Variants in MYO3B observed in about 807,000 individuals in gnomAD.
The protein encoded by MYO3B is myosin IIIB.
MYO3B carries 156 observed loss-of-function variants against 174.6 expected under a neutral mutation model. The observed-to-expected ratio is 0.89, with a 90% CI of 0.78 to 1.02. The LOEUF (loss-of-function observed/expected upper bound fraction) is 1.02, where lower values mean the gene tolerates loss of function less well. Among genes scored for constraint, MYO3B ranks in the 50% least tolerant of loss-of-function variants. MYO3B has a pLI of 0.00. For synonymous variants in MYO3B, 563 were observed against 569.1 expected, an observed-to-expected ratio of 0.99 and a Z score of 0.15; for missense variants, 1,632 against 1,639.4, an observed-to-expected ratio of 1.00 and a Z score of 0.08.
intron 7 of MYO3B, among the ~76,000 whole-genome samples, chr2:170,290,296 T>C (rs1305058591): frequency 6.6e-6 from 1 of 152,164 alleles, no homozygotes; most frequent in East Asian, 1.9e-4. Context: ...CCTACCATTA[T>C]TGTACTGCAA....
intron 8 of MYO3B, among the ~76,000 whole-genome samples, chr2:170,353,712 A>T (rs2094096819): frequency 6.6e-6 from 1 of 152,172 alleles, no homozygotes; most frequent in African/African-American, 2.4e-5. Flanking sequence ...TGTGAACTTA[A>T]AACTGTTGTA....
intron 30 of MYO3B, among the ~76,000 whole-genome samples, chr2:170,537,020 T>C (rs1222496389): frequency 6.6e-6 from 1 of 151,798 alleles, no homozygotes; most frequent in Non-Finnish European, 1.5e-5. Context: ...GCCAACATAG[T>C]GAAACCCCAT....
intron 7 of MYO3B, among the ~76,000 whole-genome samples, chr2:170,273,502 A>C (rs1203227554): frequency 6.6e-6 from 1 of 152,138 alleles, no homozygotes; most frequent in Non-Finnish European, 1.5e-5. Context: ...AGTCTGCCTA[A>C]AGAATCCTGC....
Position 170,387,209 on chromosome 2 carries a change from G to A in MYO3B, c.1478G>A (p.Gly493Glu). ...ATCAATGACAACTCGAGCCGTTTTG[G>A]AAAATATCTGGAAATGATGTTTACA... ...TAINDNSSRF[G>E]KYLEMMFTPT... The change falls in exon 14 of 35, where the codon GGA becomes GAA. Residue 493 changes from glycine (G) to glutamate (E), a missense_variant. Gly to Glu is a moderately conservative substitution (Grantham distance 98, BLOSUM62 -2). Transcript: ENST00000408978. 3 of 1,614,162 alleles carry A rather than the reference G, an allele frequency of 1.9e-6. No individual in the cohort carries two copies. The highest frequency in any genetic ancestry group is 2.5e-6 in the Non-Finnish European group (3 of 1,180,004).
intron 32 of MYO3B, among the ~76,000 whole-genome samples, chr2:170,615,638 C>T (rs1695412253): frequency 6.6e-6 from 1 of 152,214 alleles, no homozygotes; most frequent in Admixed American, 6.5e-5. Flanking sequence ...TTCTGTGGGT[C>T]AGGAATCTGG....
Position 170,326,643 on chromosome 2 carries a change from G to A in MYO3B, c.750-8742G>A, listed in dbSNP as rs150975155. ...CTTGACTTTCTCCTGCACTCTTCAT[G>A]CATGGCTGAATTGCTTATGCGTCCT... On this transcript the variant is annotated intron_variant, in intron 7 of 34. Transcript: ENST00000408978. Among the ~76,000 whole-genome samples the A allele has an allele frequency of 1.5e-3, 224 of 152,306 alleles. 1 individual carries two copies. The highest frequency in any genetic ancestry group is 5.1e-3 in the African/African-American group (212 of 41,572).
chr2:170,436,572 C>G (rs1341408141), intron 22 of MYO3B, among the ~76,000 whole-genome samples: 1 of 152,216 alleles, frequency 6.6e-6, no homozygotes, highest in Non-Finnish European at 1.5e-5. Context: ...TTGTGCTAGA[C>G]TTGCTGAAAC....
intron 32 of MYO3B, among the ~76,000 whole-genome samples, chr2:170,596,705 C>G (rs35773866): frequency 5.1e-4 from 78 of 152,354 alleles, no homozygotes; most frequent in Non-Finnish European, 9.0e-4. Flanking sequence ...CGCTGCCCCC[C>G]CAGGGCCTAG....
At chr2:170,459,897 C>A (rs371766311) in intron 23 of MYO3B, among the ~76,000 whole-genome samples, 1 of 152,104 alleles carries the variant, frequency 6.6e-6, no homozygotes, top group African/African-American at 2.4e-5. Flanking sequence ...CCGTGGCCAG[C>A]GGCACTGGCC....
chr2:170,196,250 T>C (rs1472381040), intron 1 of MYO3B, among the ~76,000 whole-genome samples: 1 of 152,220 alleles, frequency 6.6e-6, no homozygotes. Context: ...CTCATGTCTG[T>C]AATCCTAGCA....
chr2:170,220,106 A>T (rs6750448), intron 6 of MYO3B, among the ~76,000 whole-genome samples: 1 of 151,408 alleles, frequency 6.6e-6, no homozygotes, highest in Non-Finnish European at 1.5e-5. Flanking sequence ...AAAATACAAA[A>T]AATTAGCTGG....
chr2:170,459,617 C>T (rs922860938), intron 23 of MYO3B, among the ~76,000 whole-genome samples: 3 of 152,174 alleles, frequency 2.0e-5, no homozygotes, highest in African/African-American at 7.2e-5. Flanking sequence ...CCAGTCCCGG[C>T]GCCACACTCC....
At chr2:170,241,790 G>A (rs2093137315) in intron 7 of MYO3B, among the ~76,000 whole-genome samples, 1 of 152,016 alleles carries the variant, frequency 6.6e-6, no homozygotes, top group Admixed American at 6.6e-5. Context: ...TCCTGAAATA[G>A]GATCCTTGGG....
chr2:170,527,639 A>G (rs1055989085), intron 30 of MYO3B, among the ~76,000 whole-genome samples: 3 of 152,204 alleles, frequency 2.0e-5, no homozygotes, highest in Admixed American at 6.5e-5. Context: ...AGAGGAAACG[A>G]TTCAGCTACA....
chr2:170,240,034 C>T (rs113146011), intron 7 of MYO3B, among the ~76,000 whole-genome samples: 8 of 152,258 alleles, frequency 5.3e-5, no homozygotes, highest in African/African-American at 1.7e-4. Flanking sequence ...TTCACATGGC[C>T]GCCTTTCCCA....
intron 32 of MYO3B, among the ~76,000 whole-genome samples, chr2:170,568,222 G>T (rs538615063): frequency 6.6e-6 from 1 of 152,354 alleles, no homozygotes; most frequent in African/African-American, 2.4e-5. Context: ...GGTATGTAAA[G>T]TTATCTTATG....
intron 30 of MYO3B, among the ~76,000 whole-genome samples, chr2:170,536,086 G>C (rs1689665740): frequency 6.6e-6 from 1 of 152,222 alleles, no homozygotes; most frequent in Non-Finnish European, 1.5e-5. Flanking sequence ...GCTGCCTGCA[G>C]TAAAGTAGTG....
At chr2:170,560,942 G>A (rs1575166514) in intron 32 of MYO3B, among the ~76,000 whole-genome samples, 1 of 152,164 alleles carries the variant, frequency 6.6e-6, no homozygotes, top group Non-Finnish European at 1.5e-5. Flanking sequence ...ATTACAAAGT[G>A]TTCATTCCTT....
intron 7 of MYO3B, among the ~76,000 whole-genome samples, chr2:170,307,733 C>A (rs1385880589): frequency 2.6e-5 from 4 of 152,206 alleles, no homozygotes; most frequent in African/African-American, 4.8e-5. Flanking sequence ...AGAGCAGGGT[C>A]ACCCCATAGG....
Sources: allele counts gnomAD v4.1 joint callset (sites outside exome capture counted in the v4.1 genomes callset), GRCh38; gene constraint gnomAD v4.1.1; transcripts MANE v1.5; gene names NCBI Gene and HGNC (gene_info 2026-07-23, HGNC 2026-07-21).